The following VIT variants were observed in gnomAD, a reference collection of about 807,000 sequenced individuals.
The protein encoded by VIT is vitrin.
In VIT, 99 loss-of-function variants were observed where a neutral mutation model predicts 78.0. That is an observed-to-expected ratio of 1.27 (90% CI 1.08 to 1.50). The LOEUF (loss-of-function observed/expected upper bound fraction) is 1.50, where lower values mean the gene tolerates loss of function less well. Ranked by LOEUF, VIT falls within the 40% of genes most tolerant of loss-of-function variation. The pLI is 0.00. For missense variants in VIT, 1,126 were observed against 875.3 expected, an observed-to-expected ratio of 1.29 and a Z score of -3.61; for synonymous variants, 374 against 334.3, an observed-to-expected ratio of 1.12 and a Z score of -1.29.
chr2:36,712,012 G>A (rs187163398), intron 1 of VIT, among the ~76,000 whole-genome samples: 1 of 152,298 alleles, frequency 6.6e-6, no homozygotes, highest in African/African-American at 2.4e-5. Context: ...GAACCCGGGT[G>A]AGCCCATGAG....
chr2:36,748,157 T>A (rs1264683973), intron 4 of VIT, among the ~76,000 whole-genome samples: 1 of 152,178 alleles, frequency 6.6e-6, no homozygotes, highest in Non-Finnish European at 1.5e-5. Context: ...AAGACGTTTT[T>A]CTTTCACTTT....
intron 10 of VIT, among the ~76,000 whole-genome samples, chr2:36,782,499 C>T (rs1436824026): frequency 1.3e-5 from 2 of 152,208 alleles, no homozygotes; most frequent in Admixed American, 6.5e-5. Flanking sequence ...AGCGAAGACC[C>T]CCGCACCTTC....
At chr2:36,751,664 G>C (rs1169573479) in intron 4 of VIT, among the ~76,000 whole-genome samples, 2 of 152,152 alleles carry the variant, frequency 1.3e-5, no homozygotes, top group African/African-American at 2.4e-5. Context: ...TTTTGGGTTA[G>C]AGTGTAGGAA....
intron 4 of VIT, among the ~76,000 whole-genome samples, chr2:36,748,440 C>A (rs911325189): frequency 1.3e-5 from 2 of 152,076 alleles, no homozygotes; most frequent in African/African-American, 4.8e-5. Flanking sequence ...TTCTTAAATT[C>A]TTTTTTCTTT....
intron 2 of VIT, among the ~76,000 whole-genome samples, chr2:36,725,878 C>T (rs1329904933): frequency 1.3e-5 from 2 of 152,016 alleles, no homozygotes; most frequent in Non-Finnish European, 2.9e-5. Flanking sequence ...TCAAGACCAG[C>T]CTGGCCAACA....
intron 1 of VIT, among the ~76,000 whole-genome samples, chr2:36,698,353 T>G (rs1664800590): frequency 6.6e-6 from 1 of 152,230 alleles, no homozygotes; most frequent in Admixed American, 6.5e-5. Flanking sequence ...ATAGTTTCTT[T>G]CAGAGAAAAT....
intron 12 of VIT, among the ~76,000 whole-genome samples, chr2:36,795,672 C>T (rs1172423274): frequency 6.6e-6 from 1 of 152,102 alleles, no homozygotes; most frequent in African/African-American, 2.4e-5. Flanking sequence ...GCCTCGGCCT[C>T]CTAAAGTGCT....
intron 14 of VIT, among the ~76,000 whole-genome samples, chr2:36,807,902 C>G (rs1572580243): frequency 6.6e-6 from 1 of 152,140 alleles, no homozygotes; most frequent in African/African-American, 2.4e-5. Flanking sequence ...GGTTATGATT[C>G]CACCTTGTAG....
chr2:36,754,818 C>T, intron 4 of VIT, 103 bp from the exon 5 acceptor site: 1 of 1,349,960 alleles, frequency 7.4e-7, no homozygotes. Context: ...AACCTTGCTG[C>T]TTTCCTATGT....
intron 12 of VIT, among the ~76,000 whole-genome samples, chr2:36,791,100 T>C (rs1665469259): frequency 6.6e-6 from 1 of 152,224 alleles, no homozygotes; most frequent in South Asian, 2.1e-4. Flanking sequence ...GATATCAAAA[T>C]TGGAAACAGT....
At chr2:36,784,635 C>T (rs959296436) in intron 11 of VIT, among the ~76,000 whole-genome samples, 6 of 152,166 alleles carry the variant, frequency 3.9e-5, no homozygotes, top group Admixed American at 1.3e-4. Context: ...TAAAATGGTA[C>T]CATGTTGAAG....
chr2:36,814,312 G>A lies in VIT; in HGVS notation c.2033G>A (p.Arg678Lys), dbSNP rs769872025. The A allele has an allele frequency of 1.2e-6, 2 of 1,614,178 alleles. No individual in the cohort carries two copies. Among genetic ancestry groups the A allele is most frequent in the Non-Finnish European group, 8.5e-7 (1 of 1,180,038 alleles). The change falls in exon 16 of 16, where the codon AGG (arginine) becomes AAG (lysine). Residue 678 changes from arginine (R) to lysine (K), a missense_variant. By Grantham distance (26) the Arg-to-Lys change is conservative. Coordinates refer to ENST00000379242, the MANE Select transcript of VIT (RefSeq NM_053276.4). ...EFDNLHQYVP[R>K]IIQNICTEFN... ...GACAACCTCCATCAGTATGTCCCCA[G>A]GATCATCCAGAACATTTGTACAGAG...
At chr2:36,783,570 A>G (rs939726171) in intron 11 of VIT, among the ~76,000 whole-genome samples, 168 bp downstream of exon 11, 2 of 152,220 alleles carry the variant, frequency 1.3e-5, no homozygotes, top group South Asian at 2.1e-4. Flanking sequence ...TTTGAAGGAT[A>G]TAAACTGTCT....
chr2:36,744,947 A>G lies in VIT; in HGVS notation c.275+1691A>G, dbSNP rs955515601. Among the ~76,000 whole-genome samples the G allele has an allele frequency of 2.6e-5, 4 of 152,112 alleles. No individual in the cohort carries two copies. The South Asian group carries it at 6.2e-4, about 24-fold the overall frequency. On this transcript the variant is annotated intron_variant, in intron 4 of 15. Coordinates refer to ENST00000379242, the MANE Select transcript of VIT (RefSeq NM_053276.4). ...TTTCTTCTAGGATTTTTATAGTTTG[A>G]AGTCTTACATGTAAGTCTTTAATCC... is the stretch of plus-strand genomic sequence containing the variant.
intron 4 of VIT, among the ~76,000 whole-genome samples, chr2:36,752,409 C>T (rs777314449): frequency 4.6e-5 from 7 of 152,174 alleles, no homozygotes; most frequent in Non-Finnish European, 1.0e-4. Context: ...GACTGACCCT[C>T]AGTTATCCCA....
intron 2 of VIT, among the ~76,000 whole-genome samples, chr2:36,725,219 G>A (rs964302675): frequency 6.6e-6 from 1 of 152,202 alleles, no homozygotes; most frequent in African/African-American, 2.4e-5. Flanking sequence ...CAGAATTGGA[G>A]ATAATTCAAT....
chr2:36,717,698 T>C (rs775404105), intron 2 of VIT, among the ~76,000 whole-genome samples: 10 of 152,154 alleles, frequency 6.6e-5, no homozygotes, highest in Non-Finnish European at 1.0e-4. Context: ...CCACTGTGCC[T>C]TATCAGGTAG....
chr2:36,730,938 C>T (rs1304495312), intron 3 of VIT, among the ~76,000 whole-genome samples: 1 of 152,112 alleles, frequency 6.6e-6, no homozygotes, highest in Non-Finnish European at 1.5e-5. Context: ...CAAAGGTGGG[C>T]ATGACAGTGT....
intron 14 of VIT, 119 bp from the exon 15 acceptor site, chr2:36,808,353 G>A: frequency 7.5e-7 from 1 of 1,338,416 alleles, no homozygotes; most frequent in Non-Finnish European, 1.0e-6. Flanking sequence ...CGGTAGGAGG[G>A]CTAGTGCAGA....
Sources: allele counts gnomAD v4.1 joint callset (sites outside exome capture counted in the v4.1 genomes callset), GRCh38; gene constraint gnomAD v4.1.1; transcripts MANE v1.5; gene names NCBI Gene and HGNC (gene_info 2026-07-23, HGNC 2026-07-21).